CD38: variants seen among roughly 807,000 people sequenced by gnomAD.
The protein encoded by CD38 is ADP-ribosyl cyclase/cyclic ADP-ribose hydrolase 1.
Under a neutral mutation model 36.3 loss-of-function variants are expected in CD38, and 31 were observed. The ratio of observed to expected loss-of-function variants is 0.85; its 90% CI spans 0.64 to 1.15. CD38 has a LOEUF of 1.15. Ranked by LOEUF, CD38 falls within the 50% of genes most tolerant of loss-of-function variation. CD38 has a pLI of 0.00. For missense variants in CD38, 380 were observed against 371.9 expected, an observed-to-expected ratio of 1.02 and a Z score of -0.18; for synonymous variants, 131 against 135.2, an observed-to-expected ratio of 0.97 and a Z score of 0.22.
At chr4:15,824,593 C>T (rs2148924429) in intron 2 of CD38, among the ~76,000 whole-genome samples, 1 of 152,044 alleles carries the variant, frequency 6.6e-6, no homozygotes, top group Non-Finnish European at 1.5e-5. Context: ...ATATGTGATC[C>T]TATGTTGATT....
intron 2 of CD38, among the ~76,000 whole-genome samples, chr4:15,822,670 A>C (rs1723763981): frequency 6.6e-6 from 1 of 152,218 alleles, no homozygotes; most frequent in African/African-American, 2.4e-5. Flanking sequence ...TCCACTGCTC[A>C]AGGAAATCAG....
intron 2 of CD38, among the ~76,000 whole-genome samples, chr4:15,819,421 G>A (rs897790920): frequency 5.3e-5 from 8 of 150,812 alleles, no homozygotes; most frequent in Admixed American, 2.6e-4. Context: ...GACAGAAGTA[G>A]GCTTCAGAAG....
chr4:15,805,616 T>C (rs1723325662), intron 1 of CD38, among the ~76,000 whole-genome samples: 1 of 152,246 alleles, frequency 6.6e-6, no homozygotes, highest in Non-Finnish European at 1.5e-5. Context: ...TGTTCACTGA[T>C]GTACCCTAAG....
Position 15,778,590 on chromosome 4 carries a change from T to G in CD38, c.176T>G (p.Phe59Cys). 6.2e-7 allele frequency: 1 copy of G among 1,613,606 alleles called. No individual in the cohort carries two copies. Residue 59 changes from phenylalanine (F) to cysteine (C), a missense_variant, in exon 1 of 8, where the codon TTT becomes TGT. Transcript: ENST00000226279. This position sits in a 1 kb window ranked among gnomAD's most constrained non-coding sequence, Gnocchi z 4.9. The part of the protein sequence containing the change: ...QWSGPGTTKR[F>C]PETVLARCVK... ...AGCGGTCCGGGCACCACCAAGCGCT[T>G]TCCCGAGACCGTCCTGGCGCGATGC...
intron 1 of CD38, among the ~76,000 whole-genome samples, chr4:15,801,032 T>A (rs1723211905): frequency 6.6e-6 from 1 of 151,766 alleles, no homozygotes; most frequent in Non-Finnish European, 1.5e-5. Context: ...TTAAAAAAAA[T>A]TGACTAAGCA....
At chr4:15,813,509 A>G (rs1723517494) in intron 1 of CD38, among the ~76,000 whole-genome samples, 1 of 152,204 alleles carries the variant, frequency 6.6e-6, no homozygotes, top group African/African-American at 2.4e-5. Flanking sequence ...TACATGTGCC[A>G]TGGTGGTTTG....
Position 15,851,241 on chromosome 4 carries a change from T to A in CD38, c.*2639T>A, listed in dbSNP as rs976301127. Reference sequence around the variant, plus strand: ...TTTCCCCCTGTAGTTCCAACGTGGGTATCTTTGCCATCTCTGGCCCGAAGG... The same window carrying A: ...TTTCCCCCTGTAGTTCCAACGTGGGAATCTTTGCCATCTCTGGCCCGAAGG... On this transcript the variant is annotated 3_prime_UTR_variant, in exon 8 of 8. Transcript: ENST00000226279. 1 of 152,220 alleles carries A rather than the reference T, an allele frequency of 6.6e-6. No individual in the cohort carries two copies. Among genetic ancestry groups the A allele is most frequent in the Non-Finnish European group, 1.5e-5 (1 of 68,072 alleles). The allele number at this position is 152,220 out of a possible 1,614,324, so 9.4% of individuals were successfully genotyped here.
At chr4:15,841,917 G>A (rs1163021768) in intron 7 of CD38, among the ~76,000 whole-genome samples, 13 of 131,016 alleles carry the variant, frequency 9.9e-5, no homozygotes, top group East Asian at 6.5e-4. Context: ...CTACGCCCAC[G>A]GAATCTCGCT....
chr4:15,791,085 G>A (rs1219253562), intron 1 of CD38, among the ~76,000 whole-genome samples: 29 of 127,436 alleles, frequency 2.3e-4, no homozygotes, highest in South Asian at 7.6e-4. Context: ...TGCCCCGTCC[G>A]GGAGGTGAGG....
chr4:15,784,925 G>C (rs760980347), intron 1 of CD38, among the ~76,000 whole-genome samples: 2 of 152,028 alleles, frequency 1.3e-5, no homozygotes, highest in Non-Finnish European at 2.9e-5. Flanking sequence ...GTGTGGTTGC[G>C]TGCACCTGTA....
chr4:15,847,885 A>T (rs1724297742), intron 7 of CD38, among the ~76,000 whole-genome samples: 1 of 152,126 alleles, frequency 6.6e-6, no homozygotes, highest in Non-Finnish European at 1.5e-5. Flanking sequence ...TGGAAAGAAA[A>T]TATGGGCATG....
chr4:15,828,256 T>A (rs1342351743), intron 3 of CD38, among the ~76,000 whole-genome samples: 1 of 152,158 alleles, frequency 6.6e-6, no homozygotes, highest in Non-Finnish European at 1.5e-5. Flanking sequence ...GCTCAAGCGA[T>A]CTACCCTCTT....
chr4:15,824,875 C>A lies in CD38; in HGVS notation c.364-6C>A. ...TCAGTAATAGATTGTATTTATTCTTCCTTAGATTCTTCTTTGGAGCAGAAT... is the reference window on the plus strand; with the variant it reads ...TCAGTAATAGATTGTATTTATTCTTACTTAGATTCTTCTTTGGAGCAGAAT... On this transcript the variant is annotated splice_region_variant and splice_polypyrimidine_tract_variant and intron_variant, in intron 2 of 7. Coordinates refer to ENST00000226279, the MANE Select transcript of CD38 (RefSeq NM_001775.4). 1 of 1,609,532 alleles carries A rather than the reference C, an allele frequency of 6.2e-7. No individual in the cohort carries two copies. Among genetic ancestry groups the A allele is most frequent in the East Asian group, 2.2e-5 (1 of 44,784 alleles).
rs182192049 is a variant in CD38 at position 15,839,583 on chromosome 4, C to T, written c.660-443C>T. 6.7e-4 allele frequency among the ~76,000 whole-genome samples: 102 copies of T among 151,830 alleles called. 1 individual carries two copies. Among genetic ancestry groups the T allele is most frequent in the African/African-American group, 2.4e-3 (99 of 41,358 alleles). ...GGACTACAGGCACCCACCACCACGC[C>T]CAGCTAATTTTTTGTATTTTTAGTA... On this transcript the variant is annotated intron_variant, in intron 5 of 7. Transcript: ENST00000226279.
At position 15,848,574 on chromosome 4, in the gene CD38, A is replaced by C. The variant is rs1724317770; in HGVS notation, c.875A>C (p.Glu292Ala). 4 of 1,613,794 alleles carry C rather than the reference A, an allele frequency of 2.5e-6. No individual in the cohort carries two copies. Among genetic ancestry groups the C allele is most frequent in the Non-Finnish European group, 3.4e-6 (4 of 1,179,852 alleles). The change falls in exon 8 of 8, where the codon GAG becomes GCG. Residue 292 changes from glutamate (E) to alanine (A), a missense_variant. Coordinates refer to ENST00000226279, the MANE Select transcript of CD38 (RefSeq NM_001775.4). The stretch of plus-strand genomic sequence containing the variant: ...TTTCTTCAGTGTGTGAAAAATCCTG[A>C]GGATTCATCTTGCACATCTGAGATC... ...DKFLQCVKNP[E>A]DSSCTSEI
At chr4:15,840,938 A>G (rs1724192520) in intron 7 of CD38, among the ~76,000 whole-genome samples, 1 of 152,184 alleles carries the variant, frequency 6.6e-6, no homozygotes, top group Non-Finnish European at 1.5e-5. Context: ...GTGACTTGAC[A>G]TCATTTTGCA....
At chr4:15,813,367 A>T (rs1166999764) in intron 1 of CD38, among the ~76,000 whole-genome samples, 1 of 152,126 alleles carries the variant, frequency 6.6e-6, no homozygotes, top group Non-Finnish European at 1.5e-5. Flanking sequence ...TATTGAGATG[A>T]TCATATGGTT....
intron 3 of CD38, among the ~76,000 whole-genome samples, chr4:15,827,959 TATGAATACA>T (rs1439120939): frequency 1.1e-4 from 16 of 152,212 alleles, no homozygotes; most frequent in Non-Finnish European, 7.3e-5. Context: ...AAAATGAATT[TATGAATACA>T]ATGTGGGATA....
In CD38 at chr4:15,816,570, C is replaced by T. The variant is rs369674233; in HGVS notation, c.293C>T (p.Pro98Leu). The T allele has an allele frequency of 1.2e-6, 2 of 1,613,610 alleles. No individual in the cohort carries two copies. The highest frequency in any genetic ancestry group is 2.7e-5 in the African/African-American group (2 of 74,890). The stretch of plus-strand genomic sequence containing the variant: ...AAGGGTGCATTTATTTCAAAACATC[C>T]TTGCAACATTACTGAAGAAGACTAT... ...AFKGAFISKHPCNITEEDYQP... is the reference protein window; with the variant it reads ...AFKGAFISKHLCNITEEDYQP... Residue 98 changes from proline (P) to leucine (L), a missense_variant, in exon 2 of 8, where the codon CCT becomes CTT. Transcript: ENST00000226279.
Sources: gnomAD v4.1 joint callset for allele counts (sites outside exome capture counted in the v4.1 genomes callset) on GRCh38, gnomAD v4.1.1 for gene constraint, Gnocchi (gnomAD v3.1) non-coding constraint, MANE v1.5 for transcripts, NCBI Gene and HGNC (gene_info 2026-07-23, HGNC 2026-07-21) for gene names.